Variants in NOSTRIN observed in about 807,000 individuals in gnomAD.
NOSTRIN encodes nitric oxide synthase trafficking, also known as BM247 homolog.
A neutral mutation model predicts 59.0 loss-of-function variants in NOSTRIN; 63 were observed. The ratio of observed to expected loss-of-function variants is 1.07; its 90% confidence interval spans 0.87 to 1.32. NOSTRIN has a LOEUF of 1.32. NOSTRIN is among the 40% of genes most tolerant of loss of function. The probability of loss-of-function intolerance (pLI) is 0.00; values close to 1 mark genes in which losing one functional copy is unlikely to be tolerated. For missense variants in NOSTRIN, 512 were observed against 473.1 expected, an observed-to-expected ratio of 1.08 and a Z score of -0.76; for synonymous variants, 200 against 165.4, an observed-to-expected ratio of 1.21 and a Z score of -1.61.
intron 6 of NOSTRIN, among the ~76,000 whole-genome samples, chr2:168,833,090 A>T (rs1045853824): frequency 2.6e-5 from 4 of 152,182 alleles, no homozygotes; most frequent in Non-Finnish European, 4.4e-5. Context: ...TTTTTAAATA[A>T]AAGATTTCAT....
chr2:168,789,759 G>A lies in NOSTRIN; in HGVS notation c.-473+1711G>A, dbSNP rs568522202. Among the ~76,000 whole-genome samples, 107 of 152,296 alleles carry A rather than the reference G, an allele frequency of 7.0e-4. No homozygotes were observed. The Middle Eastern group carries it at 0.01, about 15-fold the overall frequency. On this transcript the variant is annotated intron_variant, in intron 2 of 20. Transcript: ENST00000458381. ...AAAAGTAGAAGTTGCTAGTAACCTT[G>A]GGAAGCTGAAACTGCTTAAAGTAGC...
intron 2 of NOSTRIN, among the ~76,000 whole-genome samples, chr2:168,789,526 T>C (rs1373156155): frequency 6.6e-6 from 1 of 152,092 alleles, no homozygotes; most frequent in Non-Finnish European, 1.5e-5. Context: ...ACTGGGTCCC[T>C]CCCACAACAT....
chr2:168,834,786 A>C (rs1202946976), intron 7 of NOSTRIN, among the ~76,000 whole-genome samples: 1 of 152,124 alleles, frequency 6.6e-6, no homozygotes, highest in Non-Finnish European at 1.5e-5. Flanking sequence ...AATATCTTAA[A>C]AAAACCTCTC....
At chr2:168,840,391 G>A (rs1167017179) in intron 7 of NOSTRIN, among the ~76,000 whole-genome samples, 2 of 151,912 alleles carry the variant, frequency 1.3e-5, no homozygotes, top group Admixed American at 6.6e-5. Context: ...TTAGCCGGGC[G>A]TGGTGGCAGG....
intron 1 of NOSTRIN, among the ~76,000 whole-genome samples, chr2:168,807,536 G>T (rs1685920143): frequency 6.6e-6 from 1 of 152,178 alleles, no homozygotes; most frequent in Middle Eastern, 3.2e-3. Context: ...ATAGGATCAA[G>T]GGTAAAGATT....
intron 7 of NOSTRIN, among the ~76,000 whole-genome samples, chr2:168,836,810 G>A (rs1283082060): frequency 6.6e-6 from 1 of 152,132 alleles, no homozygotes; most frequent in Non-Finnish European, 1.5e-5. Context: ...CCTCCCAGAG[G>A]CCCTCTCTTG....
chr2:168,791,846 T>A (rs1166375614), intron 2 of NOSTRIN, among the ~76,000 whole-genome samples: 6 of 152,254 alleles, frequency 3.9e-5, no homozygotes, highest in African/African-American at 1.4e-4. Flanking sequence ...TCTTTTCTTG[T>A]AAATTTGTTT....
intron 7 of NOSTRIN, among the ~76,000 whole-genome samples, chr2:168,842,613 A>G (rs181129495): frequency 2.0e-5 from 3 of 152,354 alleles, no homozygotes; most frequent in African/African-American, 7.2e-5. Flanking sequence ...CAGGAGCCCA[A>G]AAGATTTACC....
chr2:168,861,552 T>C (rs1489016710), intron 14 of NOSTRIN, among the ~76,000 whole-genome samples: 1 of 151,982 alleles, frequency 6.6e-6, no homozygotes, highest in Non-Finnish European at 1.5e-5. Context: ...AAGGAGTCAC[T>C]GTTGCATTGT....
intron 14 of NOSTRIN, among the ~76,000 whole-genome samples, chr2:168,861,257 G>GAAGCCT (rs1288867948): frequency 1.3e-5 from 2 of 152,080 alleles, no homozygotes; most frequent in African/African-American, 4.8e-5. Context: ...ACTCCCATAA[G>GAAGCCT]AAGCCTGTCC....
chr2:168,816,563 T>A (rs142711497), intron 2 of NOSTRIN, among the ~76,000 whole-genome samples: 1 of 152,224 alleles, frequency 6.6e-6, no homozygotes, highest in African/African-American at 2.4e-5. Flanking sequence ...GGTAGATGTT[T>A]CATCACCTTC....
intron 2 of NOSTRIN, among the ~76,000 whole-genome samples, chr2:168,822,650 T>C (rs1277999689): frequency 6.6e-6 from 1 of 152,248 alleles, no homozygotes; most frequent in Non-Finnish European, 1.5e-5. Context: ...TTTTATTCTC[T>C]ATAGTCAAAA....
intron 2 of NOSTRIN, among the ~76,000 whole-genome samples, chr2:168,813,163 A>T (rs1267717360): frequency 6.6e-6 from 1 of 152,180 alleles, no homozygotes; most frequent in Non-Finnish European, 1.5e-5. Context: ...AATAAGACCC[A>T]TTATTTGTAT....
chr2:168,819,724 G>C (rs1007939984), intron 2 of NOSTRIN, among the ~76,000 whole-genome samples: 1 of 152,172 alleles, frequency 6.6e-6, no homozygotes, highest in Non-Finnish European at 1.5e-5. Flanking sequence ...TGCTTTGCTT[G>C]GTTGATTTGA....
chr2:168,809,992 T>A (rs1056761183), intron 1 of NOSTRIN, among the ~76,000 whole-genome samples: 6 of 152,118 alleles, frequency 3.9e-5, no homozygotes, highest in Admixed American at 3.3e-4. Context: ...ATGTTTCGGA[T>A]GCAAATCCTG....
intron 1 of NOSTRIN, among the ~76,000 whole-genome samples, chr2:168,809,435 G>A (rs1686025337): frequency 6.6e-6 from 1 of 152,126 alleles, no homozygotes; most frequent in African/African-American, 2.4e-5. Flanking sequence ...CTTATTTCAG[G>A]AGTATGTACC....
At chr2:168,812,675 C>G (rs1374031468) in intron 2 of NOSTRIN, among the ~76,000 whole-genome samples, 1 of 152,052 alleles carries the variant, frequency 6.6e-6, no homozygotes, top group Non-Finnish European at 1.5e-5. Context: ...TTCCAAAAGG[C>G]AGGAAAATGT....
At chr2:168,795,805 G>T (rs1168487406), upstream of NOSTRIN, among the ~76,000 whole-genome samples, 1 of 152,156 alleles carries the variant, frequency 6.6e-6, no homozygotes, top group Non-Finnish European at 1.5e-5. Flanking sequence ...AGTTACCTTA[G>T]ATGCTACAAA....
intron 1 of NOSTRIN, among the ~76,000 whole-genome samples, chr2:168,810,432 T>C (rs1468461652): frequency 2.0e-5 from 3 of 152,210 alleles, no homozygotes; most frequent in Middle Eastern, 3.2e-3. Flanking sequence ...TGTCCTTAGT[T>C]TGATACTCTG....
Sources: gnomAD v4.1 joint callset for allele counts (sites outside exome capture counted in the v4.1 genomes callset) on GRCh38, gnomAD v4.1.1 for gene constraint, MANE v1.5 for transcripts, NCBI Gene and HGNC (gene_info 2026-07-23, HGNC 2026-07-21) for gene names.